Variants in PDILT observed in about 807,000 individuals in gnomAD.
The protein encoded by PDILT is protein disulfide isomerase like, testis expressed, also known as protein disulfide-isomerase-like protein of the testis.
In PDILT, 43 loss-of-function variants were observed where a neutral mutation model predicts 53.7. The observed-to-expected ratio is 0.80, with a 90% CI of 0.63 to 1.03. The LOEUF is 1.03. Among genes scored for constraint, PDILT ranks in the 50% least tolerant of loss-of-function variants. The pLI is 0.00. For synonymous variants in PDILT, 282 were observed against 274.2 expected (o/e 1.03, Z -0.28); for missense variants, 727 against 712.3 (o/e 1.02, Z -0.24).
intron 8 of PDILT, among the ~76,000 whole-genome samples, chr16:20,366,981 TTCCTTC>T (rs879541290): frequency 0.051 from 2,910 of 57,052 alleles, 172 homozygotes; most frequent in Middle Eastern, 0.096. Context: ...CCTTCCTTCC[TTCCTTC>T]CTTTCTTTCT....
At chr16:20,397,773 C>A (rs117862671) in intron 2 of PDILT, among the ~76,000 whole-genome samples, 2 of 152,150 alleles carry the variant, frequency 1.3e-5, no homozygotes, top group Non-Finnish European at 1.5e-5. Context: ...GGAAAGGCAC[C>A]CTGCCTCCCC....
chr16:20,375,035 T>C, intron 4 of PDILT, 76 bp from the exon 5 acceptor site: 7 of 1,455,994 alleles, frequency 4.8e-6, no homozygotes, highest in Non-Finnish European at 6.5e-6. Flanking sequence ...AAGACGGCAG[T>C]GGTGGCTGAT....
intron 1 of PDILT, among the ~76,000 whole-genome samples, chr16:20,404,161 T>C (rs184303974): frequency 2.0e-5 from 3 of 152,248 alleles, no homozygotes; most frequent in Admixed American, 2.0e-4. Flanking sequence ...GTTTGTTGAA[T>C]GAATGAATGA....
chr16:20,364,792 T>C (rs190668235), intron 9 of PDILT, among the ~76,000 whole-genome samples: 1 of 152,328 alleles, frequency 6.6e-6, no homozygotes, highest in East Asian at 1.9e-4. Context: ...TTGTCACTTA[T>C]CAAGTGCTTA....
chr16:20,392,953 G>A (rs938028742), intron 2 of PDILT, among the ~76,000 whole-genome samples: 1 of 152,180 alleles, frequency 6.6e-6, no homozygotes, highest in Non-Finnish European at 1.5e-5. Flanking sequence ...TCCATCCACT[G>A]CACCATTTTT....
intron 1 of PDILT, among the ~76,000 whole-genome samples, chr16:20,403,731 G>C (rs547030107): frequency 6.6e-6 from 1 of 151,938 alleles, no homozygotes; most frequent in Non-Finnish European, 1.5e-5. Context: ...TGTTCTCTGT[G>C]GTCTACCAGG....
chr16:20,400,070 A>ATT (rs1186213740), intron 1 of PDILT, among the ~76,000 whole-genome samples: 13 of 126,706 alleles, frequency 1.0e-4, no homozygotes, highest in East Asian at 7.0e-4. Flanking sequence ...ATATATATAT[A>ATT]TATTTTTTGA....
chr16:20,386,941 C>A (rs999536285), intron 2 of PDILT, among the ~76,000 whole-genome samples: 1 of 152,174 alleles, frequency 6.6e-6, no homozygotes, highest in African/African-American at 2.4e-5. Flanking sequence ...ACACACAACC[C>A]AGTGCCCCTG....
chr16:20,381,595 C>T (rs113380211), intron 3 of PDILT, among the ~76,000 whole-genome samples: 2,637 of 147,618 alleles, frequency 0.018, 71 homozygotes, highest in African/African-American at 0.062. Context: ...GAGATCGCAC[C>T]ACTGCACTCC....
chr16:20,374,677 C>A, intron 5 of PDILT, 145 bp downstream of exon 5: 1 of 891,102 alleles, frequency 1.1e-6, no homozygotes, highest in Non-Finnish European at 1.7e-6. Context: ...TGGAGCAACA[C>A]TGGGAGACTG....
chr16:20,359,582 G>T lies in PDILT; in HGVS notation c.1507-15C>A. On this transcript the variant is annotated splice_polypyrimidine_tract_variant and intron_variant, in intron 11 of 11. Transcript: ENST00000302451. Reference sequence around the variant, plus strand: ...ACAGACAACAGCTATGAAAGCAAAGGTGGAAGGAAGAAGGGAGGGAGGGAA... The same window carrying T: ...ACAGACAACAGCTATGAAAGCAAAGTTGGAAGGAAGAAGGGAGGGAGGGAA... 6.2e-7 allele frequency: 1 copy of T among 1,607,894 alleles called. No individual in the cohort carries two copies. Among genetic ancestry groups the T allele is most frequent in the Non-Finnish European group, 8.5e-7 (1 of 1,174,734 alleles).
At chr16:20,365,303 T>C (rs1395760945) in intron 9 of PDILT, 117 bp downstream of exon 9, 2 of 1,174,914 alleles carry the variant, frequency 1.7e-6, no homozygotes, top group Non-Finnish European at 1.2e-6. Context: ...CTGAAGACCA[T>C]CCTTGGCATG....
intron 7 of PDILT, 150 bp downstream of exon 7, chr16:20,372,652 A>G: frequency 3.6e-6 from 3 of 841,162 alleles, no homozygotes; most frequent in Non-Finnish European, 5.5e-6. Context: ...TGTGGCATTG[A>G]CATGCAAATC....
intron 9 of PDILT, among the ~76,000 whole-genome samples, chr16:20,363,680 T>C (rs1371710665): frequency 6.6e-6 from 1 of 151,916 alleles, no homozygotes; most frequent in Non-Finnish European, 1.5e-5. Context: ...ACATAACATA[T>C]AGATATTATG....
In PDILT at chr16:20,385,160, A is replaced by T. The variant is rs1394913405; in HGVS notation, c.203-309T>A. The stretch of plus-strand genomic sequence containing the variant: ...GGTGAAAATAATAGTGGTTACTTCA[A>T]GGAATCGTCAGAGTTAAATGAGATT... On this transcript the variant is annotated intron_variant, in intron 2 of 11. Transcript: ENST00000302451. 4.6e-5 allele frequency among the ~76,000 whole-genome samples: 7 copies of T among 152,250 alleles called. No homozygotes were observed. The East Asian group carries it at 1.3e-3, about 29-fold the overall frequency.
Position 20,360,605 on chromosome 16 carries a change from T to C in PDILT, c.1469A>G (p.Glu490Gly). The stretch of plus-strand genomic sequence containing the variant: ...CTCAATCTTAGTTTTGATGTGGCTT[T>C]CCAGGAAGTCAGAGAAGCCCTTCAG... ...HTLKGFSDFL[E>G]SHIKTKIEDE... is the part of the protein sequence containing the mutation. Residue 490 changes from glutamate (E) to glycine (G), a missense_variant, in exon 11 of 12, where the codon GAA becomes GGA. Physicochemically the swap from Glu to Gly is moderately conservative, Grantham distance 98 (BLOSUM62 -2). Transcript: ENST00000302451. The C allele has an allele frequency of 1.2e-6, 2 of 1,614,176 alleles. No individual in the cohort carries two copies. Among genetic ancestry groups the C allele is most frequent in the Non-Finnish European group, 8.5e-7 (1 of 1,179,990 alleles).
chr16:20,402,290 A>ATCTTTTCTTT (rs57705875), intron 1 of PDILT, among the ~76,000 whole-genome samples: 5,395 of 149,596 alleles, frequency 0.036, 118 homozygotes, highest in East Asian at 0.084. Flanking sequence ...AGGAGTGTTG[A>ATCTTTTCTTT]TCTTTTCTTT....
intron 3 of PDILT, among the ~76,000 whole-genome samples, chr16:20,381,539 T>C (rs901813714): frequency 6.8e-6 from 1 of 146,954 alleles, no homozygotes; most frequent in African/African-American, 2.5e-5. Context: ...GGGAGGCTAA[T>C]GCAAGACAAT....
At position 20,359,422 on chromosome 16, in the gene PDILT, G is replaced by A. The variant is rs535617333; in HGVS notation, c.1652C>T (p.Pro551Leu). The A allele has an allele frequency of 7.8e-5, 126 of 1,614,088 alleles. 3 individuals carry two copies. In the South Asian group the frequency reaches 1.2e-3, roughly 15 times the overall value. Residue 551 changes from proline (P) to leucine (L), a missense_variant, in exon 12 of 12, where the codon CCC becomes CTC. Transcript: ENST00000302451. ...MTKYVSKLEE[P>L]AGKKKTSEEV... The stretch of plus-strand genomic sequence containing the variant: ...CTCAGATGTTTTCTTCTTCCCAGCG[G>A]GCTCTTCCAGCTTGGATACGTACTT...
Sources: gnomAD v4.1 joint callset for allele counts (sites outside exome capture counted in the v4.1 genomes callset) on GRCh38, gnomAD v4.1.1 for gene constraint, MANE v1.5 for transcripts, NCBI Gene and HGNC (gene_info 2026-07-23, HGNC 2026-07-21) for gene names.